The following ROBO2 variants were observed in gnomAD, a reference collection of about 807,000 sequenced individuals.
ROBO2 encodes roundabout guidance receptor 2, also known as roundabout homolog 2.
In ROBO2, 53 loss-of-function variants were observed where a neutral mutation model predicts 160.8. The ratio of observed to expected loss-of-function variants is 0.33; its 90% CI spans 0.26 to 0.41. The LOEUF (loss-of-function observed/expected upper bound fraction) is 0.41. Among genes scored for constraint, ROBO2 ranks in the 10% least tolerant of loss-of-function variants. The probability of loss-of-function intolerance (pLI) is 1.00; values close to 1 mark genes in which losing one functional copy is unlikely to be tolerated. For missense variants in ROBO2, 1,577 were observed against 1,722.4 expected, an observed-to-expected ratio of 0.92 and a Z score of 1.49; for synonymous variants, 664 against 611.7, an observed-to-expected ratio of 1.09 and a Z score of -1.26.
In ROBO2 at chr3:76,996,249, A is replaced by G. The variant is rs184805023; in HGVS notation, c.110-101765A>G. On this transcript the variant is annotated intron_variant, in intron 2 of 26. Coordinates refer to the ROBO2 transcript ENST00000487694. ...CTTGTTTTTGTCAGGTGTGTCAAAG[A>G]TCAGATAGTTGTAGACATGTGGCAT... 6.6e-5 allele frequency among the ~76,000 whole-genome samples: 10 copies of G among 152,276 alleles called. No homozygotes were observed. The East Asian group carries it at 1.7e-3, about 27-fold the overall frequency.
At chr3:77,367,656 C>T (rs1246969993) in intron 2 of ROBO2, among the ~76,000 whole-genome samples, 3 of 152,106 alleles carry the variant, frequency 2.0e-5, no homozygotes, top group Non-Finnish European at 2.9e-5. Flanking sequence ...AGTAATTTTC[C>T]GTGGTTCTGT....
chr3:77,544,175 C>T (rs1582843869), intron 6 of ROBO2, among the ~76,000 whole-genome samples: 1 of 150,586 alleles, frequency 6.6e-6, no homozygotes, highest in Non-Finnish European at 1.5e-5. Flanking sequence ...ATGGTCACTG[C>T]AGTGTTTTAA....
At chr3:77,530,168 A>C (rs2091547369) in intron 6 of ROBO2, among the ~76,000 whole-genome samples, 1 of 151,968 alleles carries the variant, frequency 6.6e-6, no homozygotes, top group Non-Finnish European at 1.5e-5. Flanking sequence ...AGGGGAGAAA[A>C]AAACAGCTTG....
chr3:77,561,097 G>A (rs541048245), intron 9 of ROBO2, among the ~76,000 whole-genome samples: 2 of 152,222 alleles, frequency 1.3e-5, no homozygotes, highest in East Asian at 1.9e-4. Context: ...TGTCATGCCA[G>A]AGCAATTTGG....
chr3:77,192,468 T>C (rs2081943805), intron 2 of ROBO2, among the ~76,000 whole-genome samples: 1 of 152,250 alleles, frequency 6.6e-6, no homozygotes, highest in Non-Finnish European at 1.5e-5. Context: ...TTGGTCATCA[T>C]TGGAATGTTA....
chr3:76,469,758 G>A (rs1201913766), intron 2 of ROBO2, among the ~76,000 whole-genome samples: 2 of 151,930 alleles, frequency 1.3e-5, no homozygotes, highest in Admixed American at 1.3e-4. Context: ...CACCCCTATG[G>A]CTTGATCTGC....
intron 2 of ROBO2, among the ~76,000 whole-genome samples, chr3:77,015,582 T>C (rs1438995886): frequency 1.3e-5 from 2 of 152,188 alleles, no homozygotes; most frequent in African/African-American, 4.8e-5. Flanking sequence ...AAAAAATCAA[T>C]GAATTTTAGA....
intron 2 of ROBO2, among the ~76,000 whole-genome samples, chr3:76,754,112 TAGC>T (rs1203435942): frequency 1.4e-4 from 21 of 151,962 alleles, no homozygotes; most frequent in Admixed American, 1.3e-3. Context: ...CTAATAGAAA[TAGC>T]AGGAAGGAGA....
At chr3:77,615,533 T>A (rs1001851673) in intron 21 of ROBO2, among the ~76,000 whole-genome samples, 2 of 152,190 alleles carry the variant, frequency 1.3e-5, no homozygotes, top group African/African-American at 2.4e-5. Flanking sequence ...ACTACTCATC[T>A]TTTTCCTGTC....
intron 2 of ROBO2, among the ~76,000 whole-genome samples, chr3:76,415,631 A>G (rs1380614388): frequency 6.6e-6 from 1 of 152,228 alleles, no homozygotes; most frequent in Non-Finnish European, 1.5e-5. Flanking sequence ...GCATCAGTGT[A>G]AACTTTGAAA....
chr3:77,298,706 T>C (rs1197911810), intron 2 of ROBO2, among the ~76,000 whole-genome samples: 1 of 152,174 alleles, frequency 6.6e-6, no homozygotes, highest in Non-Finnish European at 1.5e-5. Flanking sequence ...TTGGTTGGGC[T>C]TCAGGAGATG....
chr3:77,507,893 T>A (rs1323500932), intron 5 of ROBO2, among the ~76,000 whole-genome samples: 1 of 152,066 alleles, frequency 6.6e-6, no homozygotes, highest in Non-Finnish European at 1.5e-5. Context: ...TTAAAGTATT[T>A]AAAAGTAATA....
chr3:76,329,565 G>C (rs1282223442), intron 2 of ROBO2, among the ~76,000 whole-genome samples: 2 of 152,148 alleles, frequency 1.3e-5, no homozygotes, highest in African/African-American at 4.8e-5. Flanking sequence ...CCTTCCGCTG[G>C]GGAATGAGTA....
chr3:76,198,149 TC>T (rs1313721277), intron 2 of ROBO2, among the ~76,000 whole-genome samples: 1 of 151,340 alleles, frequency 6.6e-6, no homozygotes, highest in East Asian at 2.0e-4. Flanking sequence ...CATCACACCC[TC>T]TTCCCTCAGG....
chr3:76,272,962 T>TATATATAA lies in ROBO2; in HGVS notation c.109+335360_109+335361insATATATAA, dbSNP rs1559706671. ...AATATATAAAATATATAATATATAT[T>TATATATAA]TATATATAAAATATATATAATATAT... On this transcript the variant is annotated intron_variant, in intron 2 of 26. Coordinates refer to the ROBO2 transcript ENST00000487694. Among the ~76,000 whole-genome samples, 31 of 6,650 alleles carry TATATATAA rather than the reference T, an allele frequency of 4.7e-3. No individual in the cohort carries two copies. In the Non-Finnish European group the frequency reaches 0.064, roughly 14 times the overall value. 4.4% of individuals were successfully genotyped at this position (6,650 alleles called of 152,430 possible). A position where few individuals can be genotyped will look rare whatever the true frequency, so the allele number is the denominator to read the frequency against.
intron 2 of ROBO2, among the ~76,000 whole-genome samples, chr3:77,248,971 G>A (rs558193450): frequency 2.3e-3 from 345 of 152,160 alleles, no homozygotes; most frequent in Middle Eastern, 6.8e-3. Context: ...TCCACCGCCC[G>A]GGTTCAAGCG....
At chr3:76,647,879 T>C (rs1003169564) in intron 2 of ROBO2, among the ~76,000 whole-genome samples, 4 of 152,156 alleles carry the variant, frequency 2.6e-5, no homozygotes, top group Admixed American at 2.6e-4. Flanking sequence ...ACAAAAATCA[T>C]AAATATTTTC....
chr3:77,649,294 T>C (rs1316773434), exon 26 of ROBO2: 1 of 152,216 alleles, frequency 6.6e-6, no homozygotes, highest in African/African-American at 2.4e-5. Flanking sequence ...GCTCTGGGTA[T>C]TTAAATATGT....
intron 2 of ROBO2, among the ~76,000 whole-genome samples, chr3:77,283,647 C>T (rs1383402322): frequency 6.6e-6 from 1 of 151,992 alleles, no homozygotes; most frequent in Non-Finnish European, 1.5e-5. Context: ...TTTAGTAACT[C>T]CTAGATCAGT....
Sources: allele counts gnomAD v4.1 joint callset (sites outside exome capture counted in the v4.1 genomes callset), GRCh38; gene constraint gnomAD v4.1.1; transcripts MANE v1.5; gene names NCBI Gene and HGNC (gene_info 2026-07-23, HGNC 2026-07-21).